AFF2: variants seen among roughly 807,000 people sequenced by gnomAD.
The protein encoded by AFF2 is ALF transcription elongation factor 2.
A neutral mutation model predicts 76.9 loss-of-function variants in AFF2; 14 were observed. That is an observed-to-expected ratio of 0.18 (90% confidence interval 0.12 to 0.28). The LOEUF (loss-of-function observed/expected upper bound fraction) is 0.28, where lower values mean the gene tolerates loss of function less well. Ranked by LOEUF, AFF2 falls within the 10% of genes least tolerant of loss-of-function variation. The pLI, the probability that AFF2 is intolerant of heterozygous loss-of-function variation, is 1.00. For missense variants in AFF2, 868 were observed against 1,001.1 expected, an observed-to-expected ratio of 0.87 and a Z score of 1.79; for synonymous variants, 398 against 366.7, an observed-to-expected ratio of 1.09 and a Z score of -0.98.
At chrX:148,551,301 T>C (rs2052987080) in intron 1 of AFF2, among the ~76,000 whole-genome samples, 1 of 108,236 alleles carries the variant, frequency 9.2e-6, no homozygotes, top group South Asian at 4.1e-4. Flanking sequence ...AGCCACCAAT[T>C]CCCTCCCCAT....
At chrX:148,623,727 T>G (rs1277058425) in intron 1 of AFF2, among the ~76,000 whole-genome samples, 1 of 110,520 alleles carries the variant, frequency 9.0e-6, no homozygotes, top group East Asian at 2.8e-4. Context: ...ATAATCTGTT[T>G]GCATGGAAGA....
At chrX:148,558,239 A>G (rs1474824513) in intron 1 of AFF2, among the ~76,000 whole-genome samples, 1 of 111,473 alleles carries the variant, frequency 9.0e-6, no homozygotes, top group Non-Finnish European at 1.9e-5. Context: ...TTCCTTTTCT[A>G]TTTTGCCCTG....
intron 9 of AFF2, among the ~76,000 whole-genome samples, chrX:148,915,562 G>A (rs936652036): frequency 8.9e-6 from 1 of 112,282 alleles, no homozygotes; most frequent in Non-Finnish European, 1.9e-5. Context: ...GGGAGCTCAG[G>A]GCAGCCAAAG....
chrX:148,854,717 G>T lies in AFF2; in HGVS notation c.1262+11284G>T, dbSNP rs187892917. ...AGGGAAATGAAACAAGCAACATAGG[G>T]TCTCTTGGCTTTCAGGAACATGAGG... On this transcript the variant is annotated intron_variant, in intron 7 of 20. Transcript: ENST00000370460. Among the ~76,000 whole-genome samples, 4 of 111,316 alleles carry T rather than the reference G, an allele frequency of 3.6e-5. No homozygotes were observed. In the East Asian group the frequency reaches 1.1e-3, roughly 32 times the overall value.
At chrX:148,987,649 T>G (rs1208974127) in intron 20 of AFF2, 92 bp downstream of exon 20, 1 of 769,803 alleles carries the variant, frequency 1.3e-6, no homozygotes, top group African/African-American at 2.1e-5. Context: ...TGGCCTTATA[T>G]CTTTCTGTCT....
At chrX:148,539,366 G>A (rs1264137022) in intron 1 of AFF2, among the ~76,000 whole-genome samples, 2 of 111,399 alleles carry the variant, frequency 1.8e-5, no homozygotes, top group African/African-American at 3.3e-5. Flanking sequence ...AGCTGGCTAC[G>A]TTAGATTTCT....
intron 3 of AFF2, among the ~76,000 whole-genome samples, chrX:148,690,200 G>A (rs2054637342): frequency 8.9e-6 from 1 of 112,067 alleles, no homozygotes; most frequent in Non-Finnish European, 1.9e-5. Flanking sequence ...TGCCTTCACT[G>A]CAGTTTGTAG....
intron 3 of AFF2, among the ~76,000 whole-genome samples, chrX:148,681,691 AAG>A (rs1214716906): frequency 5.5e-5 from 6 of 109,877 alleles, no homozygotes; most frequent in Middle Eastern, 9.2e-3. Flanking sequence ...AAGAAAGAAA[AAG>A]AGAAAGAAAG....
intron 1 of AFF2, among the ~76,000 whole-genome samples, chrX:148,540,617 T>C (rs1397947623): frequency 9.0e-6 from 1 of 110,921 alleles, no homozygotes; most frequent in Non-Finnish European, 1.9e-5. Context: ...TGGGAGTAAA[T>C]GAAGCATTTT....
intron 3 of AFF2, among the ~76,000 whole-genome samples, chrX:148,809,251 A>C (rs1371653160): frequency 8.9e-6 from 1 of 112,163 alleles, no homozygotes; most frequent in African/African-American, 3.2e-5. Flanking sequence ...AAGCACCTGC[A>C]GGAAAGGGCT....
At chrX:148,828,266 C>T (rs1421047949) in intron 4 of AFF2, among the ~76,000 whole-genome samples, 1 of 111,984 alleles carries the variant, frequency 8.9e-6, no homozygotes, top group African/African-American at 3.2e-5. Context: ...AGAACTGGCC[C>T]TGAAGAAACC....
intron 3 of AFF2, among the ~76,000 whole-genome samples, chrX:148,710,630 A>G (rs2054955882): frequency 8.9e-6 from 1 of 112,217 alleles, no homozygotes; most frequent in African/African-American, 3.2e-5. Flanking sequence ...ACCTGAAACA[A>G]AAAGTCTAAT....
chrX:148,681,046 C>T (rs895748991), intron 3 of AFF2, among the ~76,000 whole-genome samples: 4 of 111,441 alleles, frequency 3.6e-5, no homozygotes, highest in Admixed American at 9.5e-5. Context: ...GAGACCTTTG[C>T]GGTAGTGAGA....
chrX:148,963,150 T>C (rs781854464), intron 13 of AFF2, among the ~76,000 whole-genome samples: 1 of 112,020 alleles, frequency 8.9e-6, no homozygotes, highest in Non-Finnish European at 1.9e-5. Flanking sequence ...TTATAAATGA[T>C]ACAGATGTTA....
chrX:148,870,788 AC>A (rs1557277275), intron 7 of AFF2, among the ~76,000 whole-genome samples: 1 of 111,668 alleles, frequency 9.0e-6, no homozygotes, highest in African/African-American at 3.3e-5. Context: ...AGAGAGGAAC[AC>A]CCTTTTTACT....
chrX:148,870,105 G>A (rs185728592), intron 7 of AFF2, among the ~76,000 whole-genome samples: 12 of 111,096 alleles, frequency 1.1e-4, no homozygotes, highest in Admixed American at 1.1e-3. Context: ...TCCTCCAGTT[G>A]CAGTAGTAAT....
At chrX:148,629,563 G>C (rs1221117195) in intron 1 of AFF2, among the ~76,000 whole-genome samples, 1 of 112,082 alleles carries the variant, frequency 8.9e-6, no homozygotes, top group African/African-American at 3.2e-5. Flanking sequence ...CAATGCTATA[G>C]AATCAGTTCA....
chrX:148,887,005 T>A (rs1200263638), intron 8 of AFF2, among the ~76,000 whole-genome samples: 1 of 113,095 alleles, frequency 8.8e-6, no homozygotes, highest in Non-Finnish European at 1.9e-5. Flanking sequence ...CTAGAACTCC[T>A]ACCATTCTGG....
intron 3 of AFF2, among the ~76,000 whole-genome samples, chrX:148,792,182 T>A (rs1030042674): frequency 9.8e-5 from 11 of 111,860 alleles, no homozygotes; most frequent in Admixed American, 9.5e-4. Context: ...ATCTACACCA[T>A]GGCGACAATA....
Sources: gnomAD v4.1 joint callset for allele counts (sites outside exome capture counted in the v4.1 genomes callset) on GRCh38, gnomAD v4.1.1 for gene constraint, MANE v1.5 for transcripts, NCBI Gene and HGNC (gene_info 2026-07-23, HGNC 2026-07-21) for gene names.